Variants in PDZRN4 observed in about 807,000 individuals in gnomAD.
PDZRN4 encodes the protein PDZ domain containing ring finger 4, also known as PDZ domain-containing RING finger protein 4.
A neutral mutation model predicts 99.0 loss-of-function variants in PDZRN4; 70 were observed. That is an observed-to-expected ratio of 0.71 (90% CI 0.58 to 0.86). The LOEUF is 0.86. Ranked by LOEUF, PDZRN4 falls within the 40% of genes least tolerant of loss-of-function variation. PDZRN4 has a pLI of 0.00. For synonymous variants in PDZRN4, 551 were observed against 501.6 expected, an observed-to-expected ratio of 1.10 and a Z score of -1.32; for missense variants, 1,474 against 1,331.2, an observed-to-expected ratio of 1.11 and a Z score of -1.67.
At chr12:41,454,366 A>T (rs1952801213) in intron 3 of PDZRN4, among the ~76,000 whole-genome samples, 1 of 152,238 alleles carries the variant, frequency 6.6e-6, no homozygotes, top group Non-Finnish European at 1.5e-5. Flanking sequence ...TTTGAGTTAG[A>T]GGAAACAGTG....
intron 5 of PDZRN4, among the ~76,000 whole-genome samples, chr12:41,533,212 TC>T (rs2120745182): frequency 6.6e-6 from 1 of 151,716 alleles, no homozygotes; most frequent in Admixed American, 6.6e-5. Flanking sequence ...TCTCGCTCTG[TC>T]CCCCAGGCTG....
chr12:41,379,976 G>T (rs1952111694), intron 3 of PDZRN4, among the ~76,000 whole-genome samples: 1 of 151,824 alleles, frequency 6.6e-6, no homozygotes, highest in Non-Finnish European at 1.5e-5. Flanking sequence ...TGCTATTTAT[G>T]TCTCCTTTCA....
chr12:41,203,984 T>A (rs145522190), intron 3 of PDZRN4, among the ~76,000 whole-genome samples: 1 of 152,116 alleles, frequency 6.6e-6, no homozygotes, highest in East Asian at 1.9e-4. Flanking sequence ...GTGAAAGAAC[T>A]TGAGATGGGA....
chr12:41,568,988 A>T (rs1939428377), intron 9 of PDZRN4, among the ~76,000 whole-genome samples: 1 of 150,980 alleles, frequency 6.6e-6, no homozygotes, highest in African/African-American at 2.4e-5. Context: ...TATTTTTAAT[A>T]GAGACAGGGT....
At chr12:41,439,070 A>G (rs17129355) in intron 3 of PDZRN4, among the ~76,000 whole-genome samples, 3,824 of 152,272 alleles carry the variant, frequency 0.025, 168 homozygotes, top group African/African-American at 0.089. Context: ...TACACATGAA[A>G]CAGCCTCCTC....
At chr12:41,403,375 G>A (rs1952317801) in intron 3 of PDZRN4, among the ~76,000 whole-genome samples, 1 of 152,100 alleles carries the variant, frequency 6.6e-6, no homozygotes, top group Non-Finnish European at 1.5e-5. Flanking sequence ...TTAGAAAAAT[G>A]AATTTTGAAA....
chr12:41,469,354 T>G (rs1021598517), intron 3 of PDZRN4, among the ~76,000 whole-genome samples: 1 of 152,222 alleles, frequency 6.6e-6, no homozygotes, highest in African/African-American at 2.4e-5. Context: ...TCAACTGACC[T>G]TGTTGCCAGT....
At chr12:41,437,164 A>C (rs1216664066) in intron 3 of PDZRN4, among the ~76,000 whole-genome samples, 1 of 152,182 alleles carries the variant, frequency 6.6e-6, no homozygotes, top group Non-Finnish European at 1.5e-5. Context: ...TGGTCTTTAC[A>C]TATGAACTAT....
chr12:41,330,010 A>G (rs530620202), intron 3 of PDZRN4, among the ~76,000 whole-genome samples: 4 of 152,126 alleles, frequency 2.6e-5, no homozygotes, highest in Non-Finnish European at 5.9e-5. Context: ...TAGCATACAG[A>G]GATAATGTGC....
chr12:41,486,161 T>C (rs1472412565), intron 3 of PDZRN4, among the ~76,000 whole-genome samples: 1 of 152,184 alleles, frequency 6.6e-6, no homozygotes, highest in Non-Finnish European at 1.5e-5. Context: ...GGATGACCAC[T>C]GGACAGAGAA....
In PDZRN4 at chr12:41,572,902, G is replaced by A. The variant is rs200771912; in HGVS notation, c.2123G>A (p.Arg708Gln). ...DIWTLHDGGF[R>Q]NYNTSIDMQR... ...TGGACATTGCATGATGGAGGATTCC[G>A]GAATTATAACACCAGCATAGATATG... The change falls in exon 10 of 10, where the codon CGG (arginine) becomes CAG (glutamine). Residue 708 changes from arginine (R) to glutamine (Q), a missense_variant. Transcript: ENST00000402685. 30 of 1,614,078 alleles carry A rather than the reference G, an allele frequency of 1.9e-5. No homozygotes were observed. The East Asian group carries it at 2.2e-4, about 12-fold the overall frequency.
chr12:41,561,225 T>A lies in PDZRN4; in HGVS notation c.1366-2323T>A, dbSNP rs537139325. 2.6e-5 allele frequency among the ~76,000 whole-genome samples: 4 copies of A among 152,342 alleles called. No homozygotes were observed. The South Asian group carries it at 6.2e-4, about 24-fold the overall frequency. The stretch of plus-strand genomic sequence containing the variant: ...TAAAATAAAACCATGTTTACTACTA[T>A]GCATTTAATAACCTTCTATAAATTT... On this transcript the variant is annotated intron_variant, in intron 7 of 9. Coordinates refer to ENST00000402685, the MANE Select transcript of PDZRN4 (RefSeq NM_001164595.2).
chr12:41,236,397 G>A (rs1407449912), intron 3 of PDZRN4, among the ~76,000 whole-genome samples: 1 of 152,082 alleles, frequency 6.6e-6, no homozygotes, highest in African/African-American at 2.4e-5. Context: ...GGCATGGCTG[G>A]AGCACAGAGG....
At chr12:41,383,723 C>T (rs1462609295) in intron 3 of PDZRN4, among the ~76,000 whole-genome samples, 1 of 152,070 alleles carries the variant, frequency 6.6e-6, no homozygotes, top group Non-Finnish European at 1.5e-5. Flanking sequence ...TTAATTTTGT[C>T]AAAACATAAT....
chr12:41,306,690 C>G (rs970597735), intron 3 of PDZRN4, among the ~76,000 whole-genome samples: 1 of 152,190 alleles, frequency 6.6e-6, no homozygotes, highest in African/African-American at 2.4e-5. Flanking sequence ...ATTTCTTCTT[C>G]AATTCATTTC....
At chr12:41,379,593 A>AT (rs1158014446) in intron 3 of PDZRN4, among the ~76,000 whole-genome samples, 4 of 150,614 alleles carry the variant, frequency 2.7e-5, no homozygotes, top group Admixed American at 6.6e-5. Context: ...ATTTCTTTTG[A>AT]TTTTTTATTT....
Position 41,282,683 on chromosome 12 carries a change from C to A in PDZRN4, c.843+88495C>A, listed in dbSNP as rs115086395. On this transcript the variant is annotated intron_variant, in intron 3 of 9. Transcript: ENST00000402685. ...TCAAAACAAACAGTCTCTCAGACCA[C>A]GGTGAAATCAAACTAGAACTCAGGA... Among the ~76,000 whole-genome samples the A allele has an allele frequency of 5.9e-3, 894 of 152,236 alleles. 9 individuals are homozygous for A. The highest frequency in any genetic ancestry group is 0.021 in the African/African-American group (856 of 41,522).
At chr12:41,515,913 G>C (rs1247661277) in intron 5 of PDZRN4, among the ~76,000 whole-genome samples, 1 of 151,802 alleles carries the variant, frequency 6.6e-6, no homozygotes, top group Non-Finnish European at 1.5e-5. Flanking sequence ...CCTCTGCCTG[G>C]CATTGAGGGT....
intron 3 of PDZRN4, among the ~76,000 whole-genome samples, chr12:41,403,175 G>A (rs1056212427): frequency 6.6e-6 from 1 of 152,122 alleles, no homozygotes; most frequent in African/African-American, 2.4e-5. Flanking sequence ...ATGAGAACTT[G>A]TGATTCCCCC....
Sources: allele counts gnomAD v4.1 joint callset (sites outside exome capture counted in the v4.1 genomes callset), GRCh38; gene constraint gnomAD v4.1.1; transcripts MANE v1.5; gene names NCBI Gene and HGNC (gene_info 2026-07-23, HGNC 2026-07-21).